DPYD: variants seen among roughly 807,000 people sequenced by gnomAD.
DPYD encodes dihydropyrimidine dehydrogenase.
In DPYD, 109 loss-of-function variants were observed where a neutral mutation model predicts 116.2. The ratio of observed to expected loss-of-function variants is 0.94; its 90% CI spans 0.80 to 1.10. The LOEUF (loss-of-function observed/expected upper bound fraction) is 1.10. DPYD is among the 50% of genes least tolerant of loss of function. The probability of loss-of-function intolerance (pLI) is 0.00; values close to 1 mark genes in which losing one functional copy is unlikely to be tolerated. For synonymous variants in DPYD, 440 were observed against 432.0 expected (o/e 1.02, Z -0.23); for missense variants, 1,302 against 1,254.5 (o/e 1.04, Z -0.57).
intron 8 of DPYD, among the ~76,000 whole-genome samples, chr1:97,617,994 G>A (rs1371271416): frequency 6.6e-6 from 1 of 152,180 alleles, no homozygotes; most frequent in Non-Finnish European, 1.5e-5. Flanking sequence ...ACCAGGGTCA[G>A]ATCTGCTGTA....
chr1:97,570,886 T>C (rs1364753259), intron 11 of DPYD, among the ~76,000 whole-genome samples: 1 of 151,948 alleles, frequency 6.6e-6, no homozygotes, highest in Admixed American at 6.6e-5. Context: ...CACCTGGCAT[T>C]CATTAGGTAC....
intron 20 of DPYD, among the ~76,000 whole-genome samples, chr1:97,168,961 C>T (rs887264049): frequency 6.6e-6 from 1 of 151,992 alleles, no homozygotes; most frequent in African/African-American, 2.4e-5. Context: ...ATTCTCCTGC[C>T]TCAGTCTCTT....
At chr1:97,248,505 A>G (rs1400149835) in intron 18 of DPYD, among the ~76,000 whole-genome samples, 1 of 152,184 alleles carries the variant, frequency 6.6e-6, no homozygotes, top group African/African-American at 2.4e-5. Flanking sequence ...AGTCTGATGT[A>G]TGTCTTTATT....
At chr1:97,849,456 T>G (rs1670466644) in intron 2 of DPYD, among the ~76,000 whole-genome samples, 1 of 152,148 alleles carries the variant, frequency 6.6e-6, no homozygotes. Flanking sequence ...TGTCTTAATT[T>G]GTAAACACTT....
At chr1:97,228,616 C>T (rs1365392937) in intron 19 of DPYD, among the ~76,000 whole-genome samples, 1 of 152,092 alleles carries the variant, frequency 6.6e-6, no homozygotes, top group African/African-American at 2.4e-5. Context: ...CATTACAGGA[C>T]TTCTATTTCT....
chr1:97,819,084 T>C lies in DPYD; in HGVS notation c.233+9030A>G, dbSNP rs114841092. 2.4e-3 allele frequency among the ~76,000 whole-genome samples: 358 copies of C among 152,150 alleles called. 2 individuals are homozygous for C. Among genetic ancestry groups the C allele is most frequent in the African/African-American group, 8.3e-3 (346 of 41,560 alleles). On this transcript the variant is annotated intron_variant, in intron 3 of 22. Coordinates refer to ENST00000370192, the MANE Select transcript of DPYD (RefSeq NM_000110.4). ...TTTCAAAAAAATCTGAAAGTACTCA[T>C]CCTGATTGACTTCCTCATGTGTTAG...
chr1:97,450,724 TAAC>T, intron 13 of DPYD, among the ~76,000 whole-genome samples: 1 of 152,008 alleles, frequency 6.6e-6, no homozygotes, highest in East Asian at 1.9e-4. Flanking sequence ...CATCAACCAT[TAAC>T]ACACATTCTA....
intron 8 of DPYD, among the ~76,000 whole-genome samples, chr1:97,634,456 T>C (rs560134873): frequency 6.6e-6 from 1 of 151,986 alleles, no homozygotes; most frequent in East Asian, 1.9e-4. Context: ...AGAAAAATAA[T>C]TAAATATAAA....
At chr1:97,806,134 A>T (rs1158311935) in intron 3 of DPYD, among the ~76,000 whole-genome samples, 1 of 151,968 alleles carries the variant, frequency 6.6e-6, no homozygotes, top group East Asian at 1.9e-4. Context: ...TTGCAGAATA[A>T]ACATTTTTGT....
chr1:97,436,439 G>T lies in DPYD; in HGVS notation c.1905+13620C>A, dbSNP rs553244311. ...TCATGAGCTAGTTTATACCATGAAA[G>T]ACTCCACATTCACTGCATCATTGCC... On this transcript the variant is annotated intron_variant, in intron 14 of 22. Transcript: ENST00000370192. Among the ~76,000 whole-genome samples, 124 of 151,918 alleles carry T rather than the reference G, an allele frequency of 8.2e-4. 1 individual carries two copies. Among genetic ancestry groups the T allele is most frequent in the African/African-American group, 3.0e-3 (124 of 41,480 alleles).
chr1:97,351,723 G>A (rs1016314572), intron 16 of DPYD, among the ~76,000 whole-genome samples: 63 of 152,140 alleles, frequency 4.1e-4, no homozygotes, highest in African/African-American at 1.4e-3. Context: ...TAGCAAACAC[G>A]ATAGGGAGAG....
At chr1:97,162,840 A>G (rs1258372976) in intron 20 of DPYD, among the ~76,000 whole-genome samples, 1 of 151,742 alleles carries the variant, frequency 6.6e-6, no homozygotes, top group Admixed American at 6.6e-5. Flanking sequence ...ATCTACAACT[A>G]TCTGATCTTT....
intron 19 of DPYD, among the ~76,000 whole-genome samples, chr1:97,233,844 C>T (rs1187516203): frequency 6.6e-6 from 1 of 152,140 alleles, no homozygotes; most frequent in East Asian, 1.9e-4. Flanking sequence ...TAGCTGTATA[C>T]AGTGGGAGGC....
chr1:97,545,899 T>A (rs1650810486), intron 12 of DPYD: 1 of 1,075,482 alleles, frequency 9.3e-7, no homozygotes, highest in Non-Finnish European at 1.5e-6. Context: ...GTATAAAATT[T>A]AAACTATCCA....
chr1:97,797,287 A>C (rs1353052326), intron 3 of DPYD: 2 of 152,186 alleles, frequency 1.3e-5, no homozygotes, highest in African/African-American at 4.8e-5. Flanking sequence ...ACAGCTCGGC[A>C]ACCCTGAGGT....
intron 2 of DPYD, among the ~76,000 whole-genome samples, chr1:97,858,682 T>C (rs578079911): frequency 2.2e-4 from 33 of 152,122 alleles, no homozygotes; most frequent in Admixed American, 9.2e-4. Context: ...TTTACCAAAA[T>C]AAACTGGTTT....
intron 19 of DPYD, among the ~76,000 whole-genome samples, chr1:97,231,410 C>T (rs1371567017): frequency 6.6e-6 from 1 of 152,182 alleles, no homozygotes; most frequent in East Asian, 1.9e-4. Context: ...AATTGACTCA[C>T]AGTTCCACAT....
intron 10 of DPYD, among the ~76,000 whole-genome samples, chr1:97,576,282 A>C (rs1042740788): frequency 6.6e-6 from 1 of 152,150 alleles, no homozygotes; most frequent in African/African-American, 2.4e-5. Flanking sequence ...AACAACTCCA[A>C]ATGTTTATGG....
intron 19 of DPYD, among the ~76,000 whole-genome samples, chr1:97,215,267 G>A (rs1660302173): frequency 6.6e-6 from 1 of 152,156 alleles, no homozygotes; most frequent in South Asian, 2.1e-4. Context: ...ATGAGCAACA[G>A]AGCTGGGATT....
Sources: allele counts gnomAD v4.1 joint callset (sites outside exome capture counted in the v4.1 genomes callset), GRCh38; gene constraint gnomAD v4.1.1; transcripts MANE v1.5; gene names NCBI Gene and HGNC (gene_info 2026-07-23, HGNC 2026-07-21).